Variants in GTF2F2 observed in about 807,000 individuals in gnomAD.
The protein encoded by GTF2F2 is ATP-dependent helicase GTF2F2.
GTF2F2 carries 23 observed loss-of-function variants against 42.2 expected under a neutral mutation model. The observed-to-expected ratio is 0.55, with a 90% confidence interval of 0.39 to 0.77. GTF2F2 has a LOEUF of 0.77. Ranked by LOEUF, GTF2F2 falls within the 30% of genes least tolerant of loss-of-function variation. The pLI is 0.00. For synonymous variants in GTF2F2, 105 were observed against 100.8 expected, an observed-to-expected ratio of 1.04 and a Z score of -0.25; for missense variants, 261 against 287.2, an observed-to-expected ratio of 0.91 and a Z score of 0.66.
intron 6 of GTF2F2, among the ~76,000 whole-genome samples, chr13:45,258,668 T>C (rs978942124): frequency 1.3e-5 from 2 of 152,254 alleles, no homozygotes; most frequent in African/African-American, 4.8e-5. Flanking sequence ...TCACTGTATT[T>C]TGAGAGCAAA....
intron 6 of GTF2F2, among the ~76,000 whole-genome samples, chr13:45,266,423 G>C (rs1233462739): frequency 2.0e-5 from 3 of 152,092 alleles, no homozygotes; most frequent in African/African-American, 4.8e-5. Flanking sequence ...GATGAGAAAA[G>C]GTCCATGTCC....
chr13:45,189,489 C>T (rs1424561375), intron 4 of GTF2F2, among the ~76,000 whole-genome samples: 4 of 152,230 alleles, frequency 2.6e-5, no homozygotes, highest in Admixed American at 2.6e-4. Flanking sequence ...CTGTCTTCCA[C>T]AATGGTTGAA....
intron 4 of GTF2F2, among the ~76,000 whole-genome samples, chr13:45,197,531 C>G (rs1238569135): frequency 6.8e-6 from 1 of 148,018 alleles, no homozygotes; most frequent in Non-Finnish European, 1.5e-5. Flanking sequence ...AAAAAAGGCA[C>G]CCAGTAGGCC....
chr13:45,233,009 C>T (rs568277407), intron 5 of GTF2F2, among the ~76,000 whole-genome samples: 64 of 152,274 alleles, frequency 4.2e-4, no homozygotes, highest in African/African-American at 1.4e-3. Context: ...TGTAAAGGCT[C>T]ACTTTAAACT....
chr13:45,214,999 C>T (rs968383409), intron 5 of GTF2F2, among the ~76,000 whole-genome samples: 1 of 152,072 alleles, frequency 6.6e-6, no homozygotes, highest in Non-Finnish European at 1.5e-5. Flanking sequence ...TAAGAAAACC[C>T]TTTTCCTATA....
chr13:45,280,726 C>A (rs1041175166), intron 7 of GTF2F2, among the ~76,000 whole-genome samples: 1 of 152,148 alleles, frequency 6.6e-6, no homozygotes, highest in Non-Finnish European at 1.5e-5. Context: ...ACACTTCAGA[C>A]TTTATTAATA....
intron 2 of GTF2F2, among the ~76,000 whole-genome samples, chr13:45,146,371 C>T (rs1453606919): frequency 1.3e-5 from 2 of 152,014 alleles, no homozygotes; most frequent in Non-Finnish European, 2.9e-5. Flanking sequence ...AGGTAATGAG[C>T]GCCTGTGGTC....
intron 5 of GTF2F2, among the ~76,000 whole-genome samples, chr13:45,234,787 T>C (rs1388476823): frequency 6.6e-6 from 1 of 152,128 alleles, no homozygotes; most frequent in Non-Finnish European, 1.5e-5. Flanking sequence ...GGCTCATGCC[T>C]GTAATTCCAG....
chr13:45,247,569 T>C (rs1031823748), intron 5 of GTF2F2, among the ~76,000 whole-genome samples: 1 of 151,716 alleles, frequency 6.6e-6, no homozygotes, highest in Non-Finnish European at 1.5e-5. Flanking sequence ...ATTTTTTGTA[T>C]TTTCAATAGA....
intron 4 of GTF2F2, among the ~76,000 whole-genome samples, chr13:45,202,885 G>A (rs1490155718): frequency 1.3e-5 from 2 of 152,126 alleles, no homozygotes; most frequent in Non-Finnish European, 1.5e-5. Context: ...CCTGGGAGGC[G>A]GAGGTTTCAG....
intron 5 of GTF2F2, among the ~76,000 whole-genome samples, chr13:45,217,600 G>A (rs1248625485): frequency 3.9e-5 from 6 of 152,176 alleles, no homozygotes; most frequent in Admixed American, 3.9e-4. Flanking sequence ...TTACACCTTG[G>A]TTAATGAATC....
In GTF2F2 at chr13:45,271,761, A is replaced by G. The variant is rs540350216; in HGVS notation, c.630+4385A>G. Among the ~76,000 whole-genome samples, 13 of 152,260 alleles carry G rather than the reference A, an allele frequency of 8.5e-5. 1 individual carries two copies. The South Asian group carries it at 2.7e-3, about 32-fold the overall frequency. ...GAGATGGGGTTTTGCCATGTTGGCC[A>G]GGCTGGTCTCAAACTCCTGACCTCA... On this transcript the variant is annotated intron_variant, in intron 7 of 7. Transcript: ENST00000340473.
intron 7 of GTF2F2, among the ~76,000 whole-genome samples, chr13:45,279,602 G>A (rs555391035): frequency 2.0e-5 from 3 of 152,272 alleles, no homozygotes; most frequent in East Asian, 1.9e-4. Flanking sequence ...TGATGTGCAC[G>A]CAGGCACTAT....
chr13:45,191,224 A>AAAAAATATATAT, intron 4 of GTF2F2, among the ~76,000 whole-genome samples: 32 of 75,314 alleles, frequency 4.2e-4, no homozygotes, highest in African/African-American at 2.4e-3. Flanking sequence ...ACAAAAAAAA[A>AAAAAATATATAT]ATATATATAT....
intron 5 of GTF2F2, among the ~76,000 whole-genome samples, chr13:45,212,447 G>GTTTCTTTCTTTCTTTTCT (rs1555269186): frequency 0.33 from 15,061 of 45,434 alleles, 2,554 homozygotes; most frequent in South Asian, 0.4. Flanking sequence ...TTTCTTTCTT[G>GTTTCTTTCTTTCTTTTCT]TTTCTTTCTT....
intron 4 of GTF2F2, among the ~76,000 whole-genome samples, chr13:45,172,123 G>A (rs183199139): frequency 4.8e-4 from 73 of 152,138 alleles, no homozygotes; most frequent in South Asian, 8.3e-4. Context: ...ACCTAGGAGT[G>A]GAATGTAGTG....
chr13:45,202,923 A>G (rs1002601325), intron 4 of GTF2F2, among the ~76,000 whole-genome samples: 1 of 152,246 alleles, frequency 6.6e-6, no homozygotes, highest in Non-Finnish European at 1.5e-5. Context: ...ACTGTACTCC[A>G]GCTACTCCAG....
chr13:45,169,928 T>C (rs1009111826), intron 4 of GTF2F2, among the ~76,000 whole-genome samples: 2 of 152,208 alleles, frequency 1.3e-5, no homozygotes, highest in African/African-American at 2.4e-5. Context: ...ATATTAGAAA[T>C]ATTAAGCTTC....
chr13:45,223,262 T>TAAAAAAAA (rs60690884), intron 5 of GTF2F2, among the ~76,000 whole-genome samples: 19 of 96,298 alleles, frequency 2.0e-4, no homozygotes, highest in African/African-American at 5.6e-4. Context: ...CTTGTCTCAA[T>TAAAAAAAA]AAAAAAAAAA....
Sources: allele counts gnomAD v4.1 joint callset (sites outside exome capture counted in the v4.1 genomes callset), GRCh38; gene constraint gnomAD v4.1.1; transcripts MANE v1.5; gene names NCBI Gene and HGNC (gene_info 2026-07-23, HGNC 2026-07-21).